RBMS3: variants seen among roughly 807,000 people sequenced by gnomAD.
RBMS3 encodes the protein RNA binding motif single stranded interacting protein 3.
Under a neutral mutation model 66.8 loss-of-function variants are expected in RBMS3, and 27 were observed. The ratio of observed to expected loss-of-function variants is 0.40; its 90% CI spans 0.30 to 0.56. The LOEUF is 0.56. Ranked by LOEUF, RBMS3 falls within the 20% of genes least tolerant of loss-of-function variation. The pLI, the probability that RBMS3 is intolerant of heterozygous loss-of-function variation, is 0.40. For synonymous variants in RBMS3, 188 were observed against 183.0 expected (o/e 1.03, Z -0.22); for missense variants, 513 against 549.5 (o/e 0.93, Z 0.66).
intron 10 of RBMS3, among the ~76,000 whole-genome samples, chr3:29,920,601 A>ATAAAAAAAT (rs779016805): frequency 0.021 from 3,248 of 152,252 alleles, 124 homozygotes; most frequent in African/African-American, 0.075. Flanking sequence ...TATCCTTGGA[A>ATAAAAAAAT]TATAATTTTT....
At chr3:29,842,502 C>G (rs1013229581) in intron 6 of RBMS3, among the ~76,000 whole-genome samples, 4 of 152,106 alleles carry the variant, frequency 2.6e-5, no homozygotes, top group Non-Finnish European at 5.9e-5. Flanking sequence ...GAATGAATAA[C>G]AGTAATTACT....
At chr3:29,758,322 T>C (rs566706930) in intron 5 of RBMS3, among the ~76,000 whole-genome samples, 212 of 152,320 alleles carry the variant, frequency 1.4e-3, no homozygotes, top group African/African-American at 4.8e-3. Context: ...GAGACAACAG[T>C]TCTATTCCAG....
At chr3:29,358,429 T>C (rs1479897345) in intron 1 of RBMS3, among the ~76,000 whole-genome samples, 1 of 152,250 alleles carries the variant, frequency 6.6e-6, no homozygotes, top group Admixed American at 6.5e-5. Flanking sequence ...ACCAGTACCA[T>C]GCTGTTTTGG....
At chr3:29,399,153 G>A (rs1212799687) in intron 1 of RBMS3, among the ~76,000 whole-genome samples, 4 of 151,910 alleles carry the variant, frequency 2.6e-5, no homozygotes, top group Non-Finnish European at 5.9e-5. Context: ...TAAATTGCAG[G>A]GCATAATGAC....
intron 6 of RBMS3, among the ~76,000 whole-genome samples, chr3:29,801,523 C>G (rs999915811): frequency 3.4e-4 from 51 of 148,780 alleles, no homozygotes; most frequent in Non-Finnish European, 4.5e-5. Flanking sequence ...CCGCCTCGGC[C>G]TCCCAAAGTG....
intron 2 of RBMS3, among the ~76,000 whole-genome samples, chr3:29,476,068 A>G (rs1469082443): frequency 2.7e-5 from 4 of 149,612 alleles, no homozygotes; most frequent in East Asian, 3.9e-4. Flanking sequence ...AATGAAAGGC[A>G]TGCACTCAGG....
chr3:29,975,632 T>C (rs1430690044), intron 12 of RBMS3, among the ~76,000 whole-genome samples: 1 of 151,986 alleles, frequency 6.6e-6, no homozygotes, highest in Non-Finnish European at 1.5e-5. Context: ...CATGCAGTTC[T>C]AAGAAATCAT....
intron 4 of RBMS3, among the ~76,000 whole-genome samples, chr3:29,727,131 A>G (rs956328600): frequency 2.0e-5 from 3 of 152,216 alleles, no homozygotes; most frequent in East Asian, 1.9e-4. Flanking sequence ...TTCCCTATTT[A>G]ATAAATGGTG....
At chr3:29,472,315 CTTCCTCAGT>C (rs1410852633) in intron 2 of RBMS3, among the ~76,000 whole-genome samples, 2 of 151,800 alleles carry the variant, frequency 1.3e-5, no homozygotes, top group African/African-American at 2.4e-5. Flanking sequence ...CCCGCCTCAG[CTTCCTCAGT>C]AGCTAGGATT....
At chr3:29,842,387 A>G (rs1250096395) in intron 6 of RBMS3, among the ~76,000 whole-genome samples, 3 of 152,188 alleles carry the variant, frequency 2.0e-5, no homozygotes, top group Middle Eastern at 3.2e-3. Flanking sequence ...AAACATTTGA[A>G]TATGTGGCCA....
intron 14 of RBMS3, among the ~76,000 whole-genome samples, chr3:29,995,292 T>G (rs934412762): frequency 2.0e-5 from 3 of 152,156 alleles, no homozygotes; most frequent in Non-Finnish European, 4.4e-5. Context: ...ATCTGATTGG[T>G]GTACCTGAAA....
intron 12 of RBMS3, among the ~76,000 whole-genome samples, chr3:29,987,232 T>C (rs1698449882): frequency 6.6e-6 from 1 of 152,316 alleles, no homozygotes; most frequent in Non-Finnish European, 1.5e-5. Flanking sequence ...TTTGTGTTAT[T>C]GGTGAAGTTC....
At chr3:29,762,792 G>A (rs79180200) in intron 5 of RBMS3, 118 bp from the exon 6 acceptor site, 2 of 694,758 alleles carry the variant, frequency 2.9e-6, no homozygotes, top group African/African-American at 1.8e-5. Flanking sequence ...AAAAAAGTTG[G>A]CAATTAGGGT....
intron 6 of RBMS3, among the ~76,000 whole-genome samples, chr3:29,780,137 A>G (rs1380436393): frequency 6.6e-6 from 1 of 151,976 alleles, no homozygotes; most frequent in Non-Finnish European, 1.5e-5. Flanking sequence ...GATATAGTTC[A>G]AGTTTAATCC....
chr3:29,939,277 CA>C, intron 11 of RBMS3, among the ~76,000 whole-genome samples: 2 of 152,054 alleles, frequency 1.3e-5, no homozygotes, highest in African/African-American at 4.8e-5. Flanking sequence ...TTGCCTATAT[CA>C]TAAACATACT....
intron 1 of RBMS3, among the ~76,000 whole-genome samples, chr3:29,293,323 T>G (rs1367318301): frequency 4.2e-4 from 64 of 151,744 alleles, no homozygotes; most frequent in Admixed American, 4.1e-3. Context: ...CAACATTAGT[T>G]GTGAACCCAG....
intron 4 of RBMS3, among the ~76,000 whole-genome samples, chr3:29,633,343 A>G (rs13324763): frequency 0.093 from 14,194 of 151,938 alleles, 1,190 homozygotes; most frequent in East Asian, 0.35. Context: ...ATAATTTACT[A>G]TGCATTTTAA....
chr3:29,591,101 T>G (rs1158541090), intron 4 of RBMS3, among the ~76,000 whole-genome samples: 1 of 152,104 alleles, frequency 6.6e-6, no homozygotes, highest in East Asian at 1.9e-4. Context: ...AAATGATGAG[T>G]GTTTCGACTT....
At chr3:29,899,826 C>A in intron 10 of RBMS3, 71 bp downstream of exon 10, 1 of 1,457,676 alleles carries the variant, frequency 6.9e-7, no homozygotes, top group Non-Finnish European at 9.5e-7. Flanking sequence ...TGCATAGAAG[C>A]TTTGGGGTAA....
Sources: gnomAD v4.1 joint callset for allele counts (sites outside exome capture counted in the v4.1 genomes callset) on GRCh38, gnomAD v4.1.1 for gene constraint, MANE v1.5 for transcripts, NCBI Gene and HGNC (gene_info 2026-07-23, HGNC 2026-07-21) for gene names.